Variants in GALNT1 observed in about 807,000 individuals in gnomAD.
The protein encoded by GALNT1 is GalNAc transferase 1.
A neutral mutation model predicts 65.7 loss-of-function variants in GALNT1; 17 were observed. The observed-to-expected ratio is 0.26, with a 90% CI of 0.18 to 0.39. The LOEUF is 0.39. Ranked by LOEUF, GALNT1 falls within the 10% of genes least tolerant of loss-of-function variation. The pLI is 1.00. For synonymous variants in GALNT1, 210 were observed against 219.7 expected (o/e 0.96, Z 0.39); for missense variants, 460 against 672.8 (o/e 0.68, Z 3.50).
intron 1 of GALNT1, among the ~76,000 whole-genome samples, chr18:35,591,958 G>C (rs1681855617): frequency 6.6e-6 from 1 of 152,228 alleles, no homozygotes; most frequent in Non-Finnish European, 1.5e-5. Context: ...AAGAGTTAAT[G>C]AATGTGTCTT....
At chr18:35,596,141 G>A (rs1395750590) in intron 1 of GALNT1, 1 of 152,156 alleles carries the variant, frequency 6.6e-6, no homozygotes, top group East Asian at 1.9e-4. Context: ...AAAGCACAAA[G>A]AGGCTTTCAC....
intron 1 of GALNT1, among the ~76,000 whole-genome samples, chr18:35,618,136 T>C (rs1335726349): frequency 6.6e-6 from 1 of 152,146 alleles, no homozygotes; most frequent in Non-Finnish European, 1.5e-5. Flanking sequence ...CTCTGATTTT[T>C]CTTGTGCAAT....
intron 1 of GALNT1, among the ~76,000 whole-genome samples, chr18:35,614,441 T>C (rs1337327085): frequency 6.6e-6 from 1 of 152,146 alleles, no homozygotes; most frequent in Non-Finnish European, 1.5e-5. Context: ...AGAAGGGAAA[T>C]TCTGTAACCT....
intron 9 of GALNT1, among the ~76,000 whole-genome samples, chr18:35,702,541 T>C (rs1431422098): frequency 6.6e-6 from 1 of 152,194 alleles, no homozygotes; most frequent in African/African-American, 2.4e-5. Context: ...AGAGTAGTTA[T>C]CAGAATTAAT....
At chr18:35,642,601 G>A (rs1325844367) in intron 1 of GALNT1, among the ~76,000 whole-genome samples, 4 of 152,124 alleles carry the variant, frequency 2.6e-5, no homozygotes, top group African/African-American at 4.8e-5. Flanking sequence ...TGTTTTATAC[G>A]TACTCTTTTG....
At chr18:35,677,810 G>A (rs1828422395) in intron 4 of GALNT1, 53 bp downstream of exon 4, 1 of 1,262,620 alleles carries the variant, frequency 7.9e-7, no homozygotes, top group Non-Finnish European at 1.1e-6. Flanking sequence ...GTCACTAACG[G>A]TTAAAACTAG....
intron 4 of GALNT1, among the ~76,000 whole-genome samples, chr18:35,679,268 CTAGAT>C (rs2047754438): frequency 6.6e-6 from 1 of 152,120 alleles, no homozygotes; most frequent in African/African-American, 2.4e-5. Flanking sequence ...TCAATATTTG[CTAGAT>C]TAAATATATT....
chr18:35,595,874 C>T (rs1271770101), intron 1 of GALNT1: 1 of 151,942 alleles, frequency 6.6e-6, no homozygotes, highest in Non-Finnish European at 1.5e-5. Flanking sequence ...AAATTATTTT[C>T]TGAATTAGAA....
intron 9 of GALNT1, among the ~76,000 whole-genome samples, chr18:35,701,558 A>C (rs1324815159): frequency 6.6e-6 from 1 of 152,214 alleles, no homozygotes; most frequent in Non-Finnish European, 1.5e-5. Flanking sequence ...TGATGATGTA[A>C]ATTATGTGGT....
At chr18:35,680,759 A>T (rs773279092) in intron 4 of GALNT1, among the ~76,000 whole-genome samples, 3 of 152,176 alleles carry the variant, frequency 2.0e-5, no homozygotes, top group Non-Finnish European at 2.9e-5. Context: ...AGCATGGTAG[A>T]GGAGTATCCA....
chr18:35,687,156 G>A lies in GALNT1; in HGVS notation c.830G>A (p.Arg277Lys), dbSNP rs914531943. ...CCTGTTCCCCAAAGAGAAATGGACA[G>A]AAGGAAAGGTGATCGGACTCTTCCT... Reference protein sequence around the residue: ...WYPVPQREMDRRKGDRTLPVR... With the variant: ...WYPVPQREMDKRKGDRTLPVR... The change falls in exon 6 of 12, where the codon AGA becomes AAA. Residue 277 changes from arginine (R) to lysine (K), a missense_variant. Transcript: ENST00000269195. 1.2e-6 allele frequency: 2 copies of A among 1,613,650 alleles called. No individual in the cohort carries two copies. The highest frequency in any genetic ancestry group is 1.7e-6 in the Non-Finnish European group (2 of 1,179,778).
At chr18:35,589,429 G>T (rs1038452311) in intron 1 of GALNT1, among the ~76,000 whole-genome samples, 1 of 152,170 alleles carries the variant, frequency 6.6e-6, no homozygotes, top group African/African-American at 2.4e-5. Flanking sequence ...GTCTGGAGTA[G>T]AGTGGTTTTT....
At chr18:35,583,679 C>T (rs552325301) in intron 1 of GALNT1, among the ~76,000 whole-genome samples, 9 of 152,196 alleles carry the variant, frequency 5.9e-5, no homozygotes, top group African/African-American at 1.9e-4. Context: ...AGAGTGACAG[C>T]GCGAGACCCT....
At position 35,618,273 on chromosome 18, in the gene GALNT1, A is replaced by G. The variant is rs185809967; in HGVS notation, c.-103-36287A>G. ...ATCTTGTATTCATTAAAAAGTATATATTCTTTGGTATGTTTAGTTTAAATA... is the reference window on the plus strand; with the variant it reads ...ATCTTGTATTCATTAAAAAGTATATGTTCTTTGGTATGTTTAGTTTAAATA... On this transcript the variant is annotated intron_variant, in intron 1 of 11. Transcript: ENST00000269195. Among the ~76,000 whole-genome samples, 1,091 of 152,194 alleles carry G rather than the reference A, an allele frequency of 7.2e-3. 13 individuals are homozygous for G. The highest frequency in any genetic ancestry group is 0.024 in the African/African-American group (1,013 of 41,538).
chr18:35,689,383 T>C lies in GALNT1; in HGVS notation c.978+93T>C. ...GTATCTCTACATAAAAAATAAAAAT[T>C]GAATTTAATACAAGTTTAATGTAAC... On this transcript the variant is annotated intron_variant, in intron 7 of 11. Coordinates refer to ENST00000269195, the MANE Select transcript of GALNT1 (RefSeq NM_020474.4). 9.3e-6 allele frequency: 7 copies of C among 753,710 alleles called. 2 individuals carry two copies. The South Asian group carries it at 1.2e-4, about 12-fold the overall frequency. 46.7% of individuals were successfully genotyped at this position (753,710 alleles called of 1,614,324 possible).
chr18:35,700,872 G>A (rs2048150708), intron 9 of GALNT1, among the ~76,000 whole-genome samples: 1 of 152,152 alleles, frequency 6.6e-6, no homozygotes, highest in Non-Finnish European at 1.5e-5. Flanking sequence ...GAGAGAAGCT[G>A]AAGATAACAC....
intron 1 of GALNT1, among the ~76,000 whole-genome samples, chr18:35,606,629 A>G (rs967720989): frequency 6.6e-6 from 1 of 152,202 alleles, no homozygotes; most frequent in Admixed American, 6.6e-5. Flanking sequence ...TACAGTCAGC[A>G]TATCAGAGAA....
chr18:35,700,584 C>T (rs1009048405), intron 9 of GALNT1, among the ~76,000 whole-genome samples: 2 of 152,146 alleles, frequency 1.3e-5, no homozygotes, highest in African/African-American at 4.8e-5. Context: ...AGGATAGAGG[C>T]CCAGATCTCG....
intron 11 of GALNT1, among the ~76,000 whole-genome samples, chr18:35,705,862 A>ATAAGGTGGTTG: frequency 6.6e-6 from 1 of 152,176 alleles, no homozygotes; most frequent in Non-Finnish European, 1.5e-5. Context: ...CCTTGTGGCC[A>ATAAGGTGGTTG]CAAGGTGGTT....
Sources: gnomAD v4.1 joint callset for allele counts (sites outside exome capture counted in the v4.1 genomes callset) on GRCh38, gnomAD v4.1.1 for gene constraint, MANE v1.5 for transcripts, NCBI Gene and HGNC (gene_info 2026-07-23, HGNC 2026-07-21) for gene names.